The following ACTR3C variants were observed in gnomAD, a reference collection of about 807,000 sequenced individuals.
ACTR3C encodes the protein actin related protein 3C.
ACTR3C carries 18 observed loss-of-function variants against 26.3 expected under a neutral mutation model. The ratio of observed to expected loss-of-function variants is 0.68; its 90% CI spans 0.47 to 1.01. ACTR3C has a LOEUF of 1.01. ACTR3C is among the 50% of genes least tolerant of loss of function. The pLI is 0.00. For missense variants in ACTR3C, 184 were observed against 250.7 expected, an observed-to-expected ratio of 0.73 and a Z score of 1.80; for synonymous variants, 55 against 94.5, an observed-to-expected ratio of 0.58 and a Z score of 2.42.
the ACTR3C span, among the ~76,000 whole-genome samples, chr7:149,941,868 C>T: frequency 6.6e-6 from 1 of 152,114 alleles, no homozygotes; most frequent in Admixed American, 6.5e-5. Flanking sequence ...GAAAACCAAT[C>T]AGGCAAGGAT....
chr7:150,044,195 A>T, the ACTR3C span, among the ~76,000 whole-genome samples: 2 of 152,122 alleles, frequency 1.3e-5, no homozygotes, highest in Non-Finnish European at 2.9e-5. Context: ...AACTAAAAAG[A>T]AATGTTCAAG....
At chr7:150,069,492 C>T in the ACTR3C span, among the ~76,000 whole-genome samples, 8 of 152,156 alleles carry the variant, frequency 5.3e-5, no homozygotes, top group Admixed American at 3.3e-4. Context: ...ATTAAACACA[C>T]ATCATCATTG....
At chr7:150,033,877 A>AG in the ACTR3C span, among the ~76,000 whole-genome samples, 1 of 100,774 alleles carries the variant, frequency 9.9e-6, no homozygotes, top group African/African-American at 4.0e-5. Flanking sequence ...CTAAGAGCAA[A>AG]GGGGGGAAGA....
the ACTR3C span, among the ~76,000 whole-genome samples, chr7:150,169,170 A>C: frequency 6.7e-6 from 1 of 150,222 alleles, no homozygotes; most frequent in East Asian, 1.9e-4. Flanking sequence ...TCAGGAGGTC[A>C]GGAGATCAAG....
At chr7:150,280,407 T>C (rs145492483) in intron 6 of ACTR3C, among the ~76,000 whole-genome samples, 7,489 of 152,310 alleles carry the variant, frequency 0.049, 258 homozygotes, top group South Asian at 0.094. Flanking sequence ...GGACAGATGA[T>C]GGCTACTTTC....
At chr7:150,051,375 T>G in the ACTR3C span, among the ~76,000 whole-genome samples, 1 of 130,966 alleles carries the variant, frequency 7.6e-6, no homozygotes, top group African/African-American at 3.0e-5. Flanking sequence ...CCTCCCCTTA[T>G]CCACACACAC....
the ACTR3C span, among the ~76,000 whole-genome samples, chr7:150,177,743 T>G: frequency 6.6e-6 from 1 of 150,838 alleles, no homozygotes; most frequent in Admixed American, 6.6e-5. Context: ...TCTGATTGTC[T>G]TATTTCTCAT....
the ACTR3C span, among the ~76,000 whole-genome samples, chr7:150,018,106 G>A: frequency 1.0e-4 from 15 of 150,486 alleles, 2 homozygotes; most frequent in African/African-American, 2.7e-4. Flanking sequence ...GTGGAAAGAC[G>A]ACCAGGCACT....
At chr7:149,948,022 T>C in the ACTR3C span, among the ~76,000 whole-genome samples, 1 of 150,266 alleles carries the variant, frequency 6.7e-6, no homozygotes, top group African/African-American at 2.5e-5. Flanking sequence ...GATTTCCTTA[T>C]ATTGACCCAC....
At chr7:150,024,097 T>C in the ACTR3C span, among the ~76,000 whole-genome samples, 143,034 of 150,652 alleles carry the variant, frequency 0.95, 68,159 homozygotes, top group East Asian at 1. Flanking sequence ...CTGAAAGCAG[T>C]CACGATCCCA....
intron 6 of ACTR3C, among the ~76,000 whole-genome samples, chr7:150,256,101 T>C (rs1833205410): frequency 1.3e-5 from 2 of 152,234 alleles, no homozygotes; most frequent in African/African-American, 4.8e-5. Flanking sequence ...GCAAAGGACA[T>C]GATTTCATTT....
At chr7:150,081,296 T>C in the ACTR3C span, among the ~76,000 whole-genome samples, 1 of 138,308 alleles carries the variant, frequency 7.2e-6, no homozygotes, top group African/African-American at 2.8e-5. Flanking sequence ...AGAGAAGAAA[T>C]AGAAAGAGAA....
chr7:150,035,569 G>C, the ACTR3C span, among the ~76,000 whole-genome samples: 31 of 135,484 alleles, frequency 2.3e-4, 1 homozygote, highest in South Asian at 6.9e-4. Flanking sequence ...CAGAGCCGGG[G>C]GGGAAGAGGG....
the ACTR3C span, among the ~76,000 whole-genome samples, chr7:150,182,300 C>T: frequency 6.6e-5 from 10 of 150,718 alleles, no homozygotes; most frequent in Non-Finnish European, 1.0e-4. Flanking sequence ...GCATTCTCGC[C>T]CCAGCAACCT....
chr7:150,213,665 G>A, the ACTR3C span, among the ~76,000 whole-genome samples: 1 of 152,026 alleles, frequency 6.6e-6, no homozygotes, highest in African/African-American at 2.4e-5. Context: ...ACCAAAAGGG[G>A]CAGGAAAGAA....
chr7:150,078,850 G>A, the ACTR3C span, among the ~76,000 whole-genome samples: 3 of 152,218 alleles, frequency 2.0e-5, no homozygotes, highest in Non-Finnish European at 4.4e-5. Context: ...GAGGCTTAGA[G>A]TCCAGGAGCT....
At chr7:150,240,434 G>A (rs562318831), downstream of ACTR3C, among the ~76,000 whole-genome samples, 16 of 152,130 alleles carry the variant, frequency 1.1e-4, no homozygotes, top group Admixed American at 5.2e-4. Flanking sequence ...ATTCTTTACC[G>A]GGACAGCATT....
chr7:150,070,888 G>A, the ACTR3C span, among the ~76,000 whole-genome samples: 4 of 149,354 alleles, frequency 2.7e-5, no homozygotes, highest in East Asian at 2.0e-4. Context: ...TCTGCCTCCC[G>A]GGTTCATGCC....
At chr7:149,981,721 C>A in the ACTR3C span, among the ~76,000 whole-genome samples, 1 of 151,872 alleles carries the variant, frequency 6.6e-6, no homozygotes, top group Non-Finnish European at 1.5e-5. Flanking sequence ...CAAGGGCAGC[C>A]AGGAACCTGC....
Sources: gnomAD v4.1 joint callset for allele counts (sites outside exome capture counted in the v4.1 genomes callset) on GRCh38, gnomAD v4.1.1 for gene constraint, MANE v1.5 for transcripts, NCBI Gene and HGNC (gene_info 2026-07-23, HGNC 2026-07-21) for gene names.